The following ACOT11 variants were observed in gnomAD, a reference collection of about 807,000 sequenced individuals.
ACOT11 encodes the protein acyl-CoA thioesterase 11, also known as acyl-coenzyme A thioesterase 11.
Under a neutral mutation model 77.5 loss-of-function variants are expected in ACOT11, and 69 were observed. That is an observed-to-expected ratio of 0.89 (90% CI 0.73 to 1.09). The LOEUF (loss-of-function observed/expected upper bound fraction) is 1.09, where lower values mean the gene tolerates loss of function less well. Ranked by LOEUF, ACOT11 falls within the 50% of genes least tolerant of loss-of-function variation. The pLI is 0.00. For missense variants in ACOT11, 766 were observed against 813.7 expected, an observed-to-expected ratio of 0.94 and a Z score of 0.71; for synonymous variants, 279 against 313.0, an observed-to-expected ratio of 0.89 and a Z score of 1.15.
At chr1:54,623,683 A>C (rs1003490250) in intron 15 of ACOT11, 1 of 282,928 alleles carries the variant, frequency 3.5e-6, no homozygotes, top group South Asian at 9.1e-5. Flanking sequence ...GCAGCAGAGA[A>C]TGTTGGACCG....
chr1:54,586,095 C>T (rs978424550), intron 3 of ACOT11, among the ~76,000 whole-genome samples, 191 bp downstream of exon 3: 2 of 108,816 alleles, frequency 1.8e-5, no homozygotes, highest in African/African-American at 7.3e-5. Context: ...AGGAGTTGAC[C>T]TGCTGTTCTG....
At chr1:54,573,278 G>A (rs1426752188) in intron 1 of ACOT11, 8 of 979,038 alleles carry the variant, frequency 8.2e-6, no homozygotes, top group Non-Finnish European at 6.1e-6. Context: ...GCAGACTTGG[G>A]TTGATGTCTC....
At chr1:54,622,972 C>T (rs1158129796) in intron 15 of ACOT11, among the ~76,000 whole-genome samples, 6 of 149,226 alleles carry the variant, frequency 4.0e-5, no homozygotes, top group East Asian at 2.0e-4. Flanking sequence ...GTCAGGAGTT[C>T]GAGACCAGCC....
At chr1:54,603,392 C>T (rs1398082607) in intron 10 of ACOT11, among the ~76,000 whole-genome samples, 2 of 152,202 alleles carry the variant, frequency 1.3e-5, no homozygotes, top group Non-Finnish European at 2.9e-5. Flanking sequence ...GTGTCTGACT[C>T]TGCTGTGAAA....
intron 4 of ACOT11, 89 bp downstream of exon 4, chr1:54,592,695 C>T (rs1654753599): frequency 1.5e-6 from 2 of 1,364,982 alleles, no homozygotes; most frequent in African/African-American, 2.9e-5. Context: ...CCCAGGGCCA[C>T]TCACACTTGC....
chr1:54,555,747 TTTTTTA>T (rs1557644653), intron 1 of ACOT11, among the ~76,000 whole-genome samples: 2 of 151,948 alleles, frequency 1.3e-5, no homozygotes, highest in Non-Finnish European at 2.9e-5. Context: ...TTATTTTTTA[TTTTTTA>T]TTTTTTTTTG....
At chr1:54,610,624 TC>T (rs1644108044), downstream of ACOT11, 1 of 1,568,608 alleles carries the variant, frequency 6.4e-7, no homozygotes, top group African/African-American at 1.3e-5. Flanking sequence ...GTTGCTAGGG[TC>T]CCATAGGCCA....
At chr1:54,589,184 T>C (rs1166458146) in intron 3 of ACOT11, among the ~76,000 whole-genome samples, 1 of 152,068 alleles carries the variant, frequency 6.6e-6, no homozygotes, top group African/African-American at 2.4e-5. Context: ...GCTGGGCTAA[T>C]TTTTGTATTT....
At chr1:54,552,833 T>C (rs1326510172) in intron 1 of ACOT11, among the ~76,000 whole-genome samples, 2 of 147,862 alleles carry the variant, frequency 1.4e-5, no homozygotes, top group Non-Finnish European at 3.0e-5. Flanking sequence ...TTGTTTTGTT[T>C]TTTTTTTTTT....
intron 1 of ACOT11, among the ~76,000 whole-genome samples, chr1:54,560,638 C>T (rs1158247689): frequency 6.6e-6 from 1 of 152,168 alleles, no homozygotes; most frequent in Non-Finnish European, 1.5e-5. Context: ...AGGTGATCTT[C>T]CTGCTGTAGC....
chr1:54,557,438 T>C (rs1653300729), intron 1 of ACOT11, among the ~76,000 whole-genome samples: 1 of 151,586 alleles, frequency 6.6e-6, no homozygotes, highest in Admixed American at 6.6e-5. Flanking sequence ...TATCTACCCT[T>C]GTGTGCACTG....
chr1:54,597,607 T>C, intron 7 of ACOT11, 192 bp downstream of exon 7: 1 of 732,356 alleles, frequency 1.4e-6, no homozygotes, highest in Non-Finnish European at 2.2e-6. Context: ...TAGCATCTTT[T>C]ACATGGGAAA....
At position 54,561,086 on chromosome 1, in the gene ACOT11, TTTTTA is replaced by T. The variant is rs1557646503; in HGVS notation, c.33+12749_33+12753del. Among the ~76,000 whole-genome samples, 18 of 118,636 alleles carry T rather than the reference TTTTTA, an allele frequency of 1.5e-4. No individual in the cohort carries two copies. The South Asian group carries it at 1.6e-3, about 11-fold the overall frequency. 77.8% of individuals were successfully genotyped at this position (118,636 alleles called of 152,430 possible). ...CAGCTGCTTGGCTGATTTTTTATTT[TTTTTA>T]TTTTTTTTTATTTTTTAAATTTATT... On this transcript the variant is annotated intron_variant, in intron 1 of 15. Transcript: ENST00000343744.
intron 3 of ACOT11, among the ~76,000 whole-genome samples, chr1:54,589,776 C>T (rs574754800): frequency 1.3e-5 from 2 of 152,248 alleles, no homozygotes; most frequent in Non-Finnish European, 2.9e-5. Flanking sequence ...CATGAGCCAC[C>T]ACACCCAGCC....
At chr1:54,631,391 C>T (rs1211327163) in intron 16 of ACOT11, among the ~76,000 whole-genome samples, 138 of 152,256 alleles carry the variant, frequency 9.1e-4, no homozygotes, top group African/African-American at 3.3e-3. Context: ...CCAGGTTCTC[C>T]TTTAGTAATT....
At chr1:54,575,611 C>G (rs537527218) in intron 1 of ACOT11, among the ~76,000 whole-genome samples, 26 of 152,336 alleles carry the variant, frequency 1.7e-4, no homozygotes, top group African/African-American at 6.0e-4. Flanking sequence ...GAGCCAGGCT[C>G]TGTCCCCTCT....
chr1:54,557,405 A>G (rs1237687619), intron 1 of ACOT11, among the ~76,000 whole-genome samples: 1 of 151,580 alleles, frequency 6.6e-6, no homozygotes, highest in Non-Finnish European at 1.5e-5. Context: ...AAAAAAAAAA[A>G]AAAAGAAAAA....
rs1654443618 is a variant in ACOT11, at chr1:54,584,880, A to G, written c.241+18A>G. Reference sequence around the variant, plus strand: ...CCTGTCCGGTAAGGCTGCGCTCCCCATGGTTCCCTACCTGCCCCACAGGCC... The same window carrying G: ...CCTGTCCGGTAAGGCTGCGCTCCCCGTGGTTCCCTACCTGCCCCACAGGCC... On this transcript the variant is annotated intron_variant, in intron 2 of 15. Coordinates refer to ENST00000343744, the MANE Select transcript of ACOT11 (RefSeq NM_147161.4). This position sits in a 1 kb window ranked among gnomAD's most constrained non-coding sequence, Gnocchi z 6.3. 3 of 1,601,366 alleles carry G rather than the reference A, an allele frequency of 1.9e-6. No individual in the cohort carries two copies. Among genetic ancestry groups the G allele is most frequent in the East Asian group, 2.3e-5 (1 of 44,202 alleles).
intron 1 of ACOT11, among the ~76,000 whole-genome samples, chr1:54,566,006 GAT>G (rs1653718405): frequency 6.6e-6 from 1 of 152,038 alleles, no homozygotes; most frequent in Non-Finnish European, 1.5e-5. Context: ...AAAAATCAGT[GAT>G]AGCTTGTTTC....
Sources: gnomAD v4.1 joint callset for allele counts (sites outside exome capture counted in the v4.1 genomes callset) on GRCh38, gnomAD v4.1.1 for gene constraint, Gnocchi (gnomAD v3.1) non-coding constraint, MANE v1.5 for transcripts, NCBI Gene and HGNC (gene_info 2026-07-23, HGNC 2026-07-21) for gene names.